DYNC1I1: variants seen among roughly 807,000 people sequenced by gnomAD.
The protein encoded by DYNC1I1 is cytoplasmic dynein 1 intermediate chain 1.
In DYNC1I1, 43 loss-of-function variants were observed where a neutral mutation model predicts 86.6. The observed-to-expected ratio is 0.50, with a 90% CI of 0.39 to 0.64. The LOEUF is 0.64. Ranked by LOEUF, DYNC1I1 falls within the 30% of genes least tolerant of loss-of-function variation. DYNC1I1 has a pLI of 0.00. For synonymous variants in DYNC1I1, 262 were observed against 283.7 expected (o/e 0.92, Z 0.77); for missense variants, 604 against 788.8 (o/e 0.77, Z 2.81).
chr7:95,834,698 G>T (rs1266546608), intron 5 of DYNC1I1, among the ~76,000 whole-genome samples: 1 of 120,082 alleles, frequency 8.3e-6, no homozygotes, highest in African/African-American at 3.4e-5. Context: ...GTTTAGTCTT[G>T]GGAGAGTGTA....
At chr7:95,883,716 T>G (rs1016759152) in intron 6 of DYNC1I1, among the ~76,000 whole-genome samples, 1 of 152,174 alleles carries the variant, frequency 6.6e-6, no homozygotes, top group Non-Finnish European at 1.5e-5. Context: ...GGGAGCAGTT[T>G]GGAAGATCTG....
At chr7:95,939,456 A>G (rs1792139396) in intron 6 of DYNC1I1, among the ~76,000 whole-genome samples, 1 of 152,008 alleles carries the variant, frequency 6.6e-6, no homozygotes, top group African/African-American at 2.4e-5. Flanking sequence ...GTCACTCAGG[A>G]CTTGCTTTAT....
intron 6 of DYNC1I1, among the ~76,000 whole-genome samples, chr7:95,946,074 T>G (rs1792390741): frequency 6.6e-6 from 1 of 152,050 alleles, no homozygotes; most frequent in Non-Finnish European, 1.5e-5. Context: ...ATACCGCATG[T>G]TCTCACTTCT....
intron 11 of DYNC1I1, among the ~76,000 whole-genome samples, chr7:96,031,970 T>C (rs1794817501): frequency 1.3e-5 from 2 of 152,178 alleles, no homozygotes; most frequent in Non-Finnish European, 2.9e-5. Context: ...GTATGGTTCC[T>C]GGGATGTATA....
intron 6 of DYNC1I1, among the ~76,000 whole-genome samples, chr7:95,931,746 C>T (rs1221369917): frequency 2.0e-5 from 3 of 152,154 alleles, no homozygotes; most frequent in Non-Finnish European, 2.9e-5. Flanking sequence ...GACCACATGG[C>T]CCCCAAAGCC....
intron 16 of DYNC1I1, among the ~76,000 whole-genome samples, chr7:96,105,688 C>T (rs558336760): frequency 8.5e-5 from 13 of 152,268 alleles, no homozygotes; most frequent in African/African-American, 3.1e-4. Flanking sequence ...GTTCTGACCT[C>T]CTCTATTTTG....
At chr7:95,964,927 C>T (rs1449344180) in intron 6 of DYNC1I1, among the ~76,000 whole-genome samples, 2 of 152,152 alleles carry the variant, frequency 1.3e-5, no homozygotes, top group East Asian at 3.9e-4. Flanking sequence ...TTCTTGACAA[C>T]ATCAATAAAT....
At chr7:96,021,956 G>T (rs1428756999) in intron 10 of DYNC1I1, among the ~76,000 whole-genome samples, 1 of 152,112 alleles carries the variant, frequency 6.6e-6, no homozygotes, top group Non-Finnish European at 1.5e-5. Context: ...GAATAATGCC[G>T]CTGTGGACAT....
At chr7:96,083,429 T>C (rs938610997) in intron 16 of DYNC1I1, among the ~76,000 whole-genome samples, 5 of 146,878 alleles carry the variant, frequency 3.4e-5, no homozygotes, top group African/African-American at 1.4e-4. Flanking sequence ...CTTCCCTACA[T>C]CTGAGGCTTA....
chr7:96,026,037 C>G (rs1794674060), intron 10 of DYNC1I1, among the ~76,000 whole-genome samples: 1 of 152,138 alleles, frequency 6.6e-6, no homozygotes, highest in Non-Finnish European at 1.5e-5. Flanking sequence ...GCTCCAGCAA[C>G]ATAAGAATTT....
intron 6 of DYNC1I1, among the ~76,000 whole-genome samples, chr7:95,896,717 G>T (rs961316790): frequency 3.9e-5 from 6 of 152,166 alleles, no homozygotes; most frequent in East Asian, 1.9e-4. Flanking sequence ...TCATGGTGTT[G>T]CTGTGTGTTG....
intron 13 of DYNC1I1, among the ~76,000 whole-genome samples, chr7:96,036,530 C>T (rs1447397843): frequency 6.6e-6 from 1 of 152,102 alleles, no homozygotes; most frequent in African/African-American, 2.4e-5. Flanking sequence ...TAGCATTAAT[C>T]GTATTTTAGT....
At chr7:96,003,756 G>A (rs1161487251) in intron 10 of DYNC1I1, among the ~76,000 whole-genome samples, 3 of 151,642 alleles carry the variant, frequency 2.0e-5, no homozygotes, top group Non-Finnish European at 4.4e-5. Context: ...AGTGGACAGA[G>A]GCCACTACCA....
intron 16 of DYNC1I1, among the ~76,000 whole-genome samples, chr7:96,092,886 C>T (rs1790889198): frequency 6.6e-6 from 1 of 152,140 alleles, no homozygotes; most frequent in South Asian, 2.1e-4. Context: ...ATTCAAAACA[C>T]ATTACCTGCC....
chr7:95,867,330 G>A (rs1028728566), intron 5 of DYNC1I1, among the ~76,000 whole-genome samples: 1 of 152,190 alleles, frequency 6.6e-6, no homozygotes, highest in Non-Finnish European at 1.5e-5. Context: ...TGCTATGTAA[G>A]CATTAGCTTC....
At chr7:96,096,650 G>T (rs1285600219) in intron 16 of DYNC1I1, among the ~76,000 whole-genome samples, 5 of 152,002 alleles carry the variant, frequency 3.3e-5, no homozygotes, top group Non-Finnish European at 5.9e-5. Flanking sequence ...TTGCATTGGA[G>T]GAGGCGTTAA....
intron 5 of DYNC1I1, among the ~76,000 whole-genome samples, chr7:95,830,982 C>T (rs1192763499): frequency 1.3e-5 from 2 of 152,014 alleles, no homozygotes; most frequent in Non-Finnish European, 2.9e-5. Flanking sequence ...TGTTGAATAT[C>T]TCTTTAGTTG....
chr7:96,084,480 C>T (rs1434471099), intron 16 of DYNC1I1, among the ~76,000 whole-genome samples: 5 of 130,454 alleles, frequency 3.8e-5, no homozygotes, highest in African/African-American at 1.1e-4. Flanking sequence ...TTTGCTCTTG[C>T]CCAGGCTGGA....
intron 16 of DYNC1I1, among the ~76,000 whole-genome samples, chr7:96,090,977 C>T (rs538016896): frequency 2.0e-5 from 3 of 152,200 alleles, no homozygotes; most frequent in African/African-American, 4.8e-5. Context: ...TTATGTGAAG[C>T]GGGTATGCTT....
Sources: gnomAD v4.1 joint callset for allele counts (sites outside exome capture counted in the v4.1 genomes callset) on GRCh38, gnomAD v4.1.1 for gene constraint, MANE v1.5 for transcripts, NCBI Gene and HGNC (gene_info 2026-07-23, HGNC 2026-07-21) for gene names.